Variants in ASB3 observed in about 807,000 individuals in gnomAD.
The protein encoded by ASB3 is ankyrin repeat and SOCS box protein 3.
A neutral mutation model predicts 54.5 loss-of-function variants in ASB3; 41 were observed. That is an observed-to-expected ratio of 0.75 (90% CI 0.59 to 0.98). The LOEUF is 0.98. Ranked by LOEUF, ASB3 falls within the 50% of genes least tolerant of loss-of-function variation. The pLI is 0.00. For missense variants in ASB3, 733 were observed against 620.0 expected, an observed-to-expected ratio of 1.18 and a Z score of -1.94; for synonymous variants, 266 against 221.2, an observed-to-expected ratio of 1.20 and a Z score of -1.80.
chr2:53,731,835 T>C (rs1001671655), intron 3 of ASB3, among the ~76,000 whole-genome samples: 2 of 152,152 alleles, frequency 1.3e-5, no homozygotes, highest in Non-Finnish European at 2.9e-5. Flanking sequence ...GGTATTTTTG[T>C]AGAGATAGCG....
At chr2:53,745,348 A>G (rs1302271955) in intron 3 of ASB3, among the ~76,000 whole-genome samples, 1 of 152,170 alleles carries the variant, frequency 6.6e-6, no homozygotes, top group Non-Finnish European at 1.5e-5. Context: ...GAAGGACAAT[A>G]TTCATGTAGA....
At chr2:53,767,763 G>GC (rs1187467848) in intron 1 of ASB3, 19 of 1,166,954 alleles carry the variant, frequency 1.6e-5, no homozygotes, top group South Asian at 9.4e-5. Context: ...TGCGCTTTGC[G>GC]CCCCAAGTGG....
At chr2:53,686,350 C>A (rs1396407568) in intron 9 of ASB3, among the ~76,000 whole-genome samples, 4 of 152,136 alleles carry the variant, frequency 2.6e-5, no homozygotes, top group Non-Finnish European at 5.9e-5. Flanking sequence ...TCTGCATTAA[C>A]CCCTTAACAA....
chr2:53,782,791 AT>A (rs528574294), intron 1 of ASB3, among the ~76,000 whole-genome samples: 307 of 145,842 alleles, frequency 2.1e-3, no homozygotes, highest in East Asian at 2.0e-3. Flanking sequence ...GAGCTCAATA[AT>A]TTTTTTTTTT....
At chr2:53,729,156 A>G (rs1671165748) in intron 4 of ASB3, among the ~76,000 whole-genome samples, 1 of 152,310 alleles carries the variant, frequency 6.6e-6, no homozygotes, top group African/African-American at 2.4e-5. Context: ...TTCTAAGCAC[A>G]TTATTGTAAA....
At chr2:53,734,044 C>T (rs1671477174) in intron 3 of ASB3, among the ~76,000 whole-genome samples, 1 of 152,218 alleles carries the variant, frequency 6.6e-6, no homozygotes, top group Non-Finnish European at 1.5e-5. Flanking sequence ...TTTAAGAACA[C>T]CTTTAAGCAG....
At chr2:53,745,684 G>C (rs574805299) in intron 3 of ASB3, among the ~76,000 whole-genome samples, 3 of 152,296 alleles carry the variant, frequency 2.0e-5, no homozygotes, top group African/African-American at 7.2e-5. Context: ...TCTAGCAATA[G>C]GCTAGTGCTA....
Position 53,672,741 on chromosome 2 carries a change from G to C in ASB3, c.1370-2051C>G, listed in dbSNP as rs142334343. 5.6e-4 allele frequency among the ~76,000 whole-genome samples: 85 copies of C among 152,194 alleles called. No homozygotes were observed. The East Asian group carries it at 0.016, about 28-fold the overall frequency. ...ATAAGGACACAGTTTCACTTTCTTT[G>C]AGTTACAGCATGGATTTAAAGGCAT... is the stretch of plus-strand genomic sequence containing the variant. On this transcript the variant is annotated intron_variant, in intron 9 of 9. Coordinates refer to ENST00000263634, the MANE Select transcript of ASB3 (RefSeq NM_016115.5).
chr2:53,773,756 C>G (rs1305657331), intron 1 of ASB3, among the ~76,000 whole-genome samples: 1 of 151,586 alleles, frequency 6.6e-6, no homozygotes, highest in Non-Finnish European at 1.5e-5. Flanking sequence ...AAGATACAGG[C>G]AGGCATGGTG....
At chr2:53,706,455 T>TG (rs1235206448) in intron 7 of ASB3, among the ~76,000 whole-genome samples, 4 of 152,122 alleles carry the variant, frequency 2.6e-5, no homozygotes, top group African/African-American at 7.2e-5. Flanking sequence ...TTCTTTTTTT[T>TG]TTTGTTTTTT....
intron 3 of ASB3, among the ~76,000 whole-genome samples, chr2:53,742,646 G>C (rs1441849952): frequency 1.3e-5 from 2 of 151,092 alleles, no homozygotes; most frequent in Admixed American, 1.3e-4. Context: ...AAATACCTGG[G>C]AAAAGCAAAA....
chr2:53,703,467 GA>G (rs1333032062), intron 7 of ASB3, among the ~76,000 whole-genome samples: 1 of 152,138 alleles, frequency 6.6e-6, no homozygotes, highest in African/African-American at 2.4e-5. Flanking sequence ...ATAAGGAAGA[GA>G]AAACTTAAAA....
chr2:53,715,114 T>C (rs540631189), intron 6 of ASB3, among the ~76,000 whole-genome samples: 7 of 152,122 alleles, frequency 4.6e-5, no homozygotes, highest in South Asian at 2.1e-4. Context: ...AAATATTCTA[T>C]TATCTGAAAA....
At chr2:53,751,031 C>G in intron 2 of ASB3, 90 bp from the exon 3 acceptor site, 1 of 1,357,094 alleles carries the variant, frequency 7.4e-7, no homozygotes. Flanking sequence ...ATTTAATGAA[C>G]TATTAAAATG....
intron 8 of ASB3, among the ~76,000 whole-genome samples, chr2:53,695,157 A>T (rs1383358584): frequency 6.6e-6 from 1 of 152,164 alleles, no homozygotes; most frequent in Non-Finnish European, 1.5e-5. Context: ...AAATACAAGG[A>T]AAGAAGATAA....
At position 53,785,296 on chromosome 2, in the gene ASB3, C is replaced by T. The variant is rs140901946; in HGVS notation, c.-14+1525G>A. Among the ~76,000 whole-genome samples the T allele has an allele frequency of 1.9e-4, 29 of 152,310 alleles. 1 individual carries two copies. The highest frequency in any genetic ancestry group is 1.4e-3 in the Admixed American group (21 of 15,302). Reference sequence around the variant, plus strand: ...AGTTCCCCTCTTACTTGAACATCAGCTCTATTGAACACAGATTCAATCACT... The same window carrying T: ...AGTTCCCCTCTTACTTGAACATCAGTTCTATTGAACACAGATTCAATCACT... On this transcript the variant is annotated intron_variant, in intron 1 of 9. Transcript: ENST00000263634.
chr2:53,764,870 T>A (rs537878908), intron 2 of ASB3, among the ~76,000 whole-genome samples: 4 of 152,358 alleles, frequency 2.6e-5, no homozygotes, highest in African/African-American at 9.6e-5. Flanking sequence ...AATTATCTTG[T>A]TTAATTATTT....
At chr2:53,750,198 G>T (rs1333285300) in intron 3 of ASB3, among the ~76,000 whole-genome samples, 2 of 151,944 alleles carry the variant, frequency 1.3e-5, no homozygotes, top group East Asian at 3.9e-4. Flanking sequence ...GGGACACAAT[G>T]TCCCTGAAGA....
intron 7 of ASB3, among the ~76,000 whole-genome samples, chr2:53,707,961 C>CAAAA (rs199571236): frequency 1.8e-5 from 2 of 113,772 alleles, no homozygotes; most frequent in African/African-American, 3.2e-5. Context: ...GACTCTGTCT[C>CAAAA]AAAAAAAAAA....
Sources: gnomAD v4.1 joint callset for allele counts (sites outside exome capture counted in the v4.1 genomes callset) on GRCh38, gnomAD v4.1.1 for gene constraint, MANE v1.5 for transcripts, NCBI Gene and HGNC (gene_info 2026-07-23, HGNC 2026-07-21) for gene names.